ADAM11: variants seen among roughly 807,000 people sequenced by gnomAD.
ADAM11 encodes disintegrin and metalloproteinase domain-containing protein 11.
ADAM11 carries 49 observed loss-of-function variants against 119.1 expected under a neutral mutation model. The ratio of observed to expected loss-of-function variants is 0.41; its 90% CI spans 0.33 to 0.52. The LOEUF (loss-of-function observed/expected upper bound fraction) is 0.52. Ranked by LOEUF, ADAM11 falls within the 20% of genes least tolerant of loss-of-function variation. The pLI is 0.20. For synonymous variants in ADAM11, 364 were observed against 408.0 expected (o/e 0.89, Z 1.30); for missense variants, 777 against 1,047.5 (o/e 0.74, Z 3.56).
intron 3 of ADAM11, 32 bp downstream of exon 3, chr17:44,769,826 C>A (rs2049495705): frequency 1.2e-6 from 2 of 1,609,886 alleles, no homozygotes; most frequent in Non-Finnish European, 1.7e-6. Flanking sequence ...AGAGGAAGGG[C>A]AGTGGTGGGG....
Position 44,764,390 on chromosome 17 carries a change from G to C in ADAM11, c.237+4493G>C, listed in dbSNP as rs73303573. On this transcript the variant is annotated intron_variant, in intron 2 of 26. Transcript: ENST00000200557. ...TGGGAGTCATGGACATGGTGCCACA[G>C]GGGGGCCAGGGTCTGTGCCTGGGGC... Among the ~76,000 whole-genome samples, 466 of 152,332 alleles carry C rather than the reference G, an allele frequency of 3.1e-3. 3 individuals carry two copies. The highest frequency in any genetic ancestry group is 0.01 in the African/African-American group (436 of 41,574).
Position 44,776,247 on chromosome 17 carries a change from G to A in ADAM11, c.1566+40G>A. On this transcript the variant is annotated intron_variant, in intron 18 of 26. Transcript: ENST00000200557. The surrounding 1 kb of genome is among the most constrained non-coding windows in gnomAD (Gnocchi z 5.2). Reference sequence around the variant, plus strand: ...GCCGTCTTGTGGAGCCCTGGGCGAGGCAACCCCTACCCTTGTCGATTTGGT... The same window carrying A: ...GCCGTCTTGTGGAGCCCTGGGCGAGACAACCCCTACCCTTGTCGATTTGGT... The A allele has an allele frequency of 6.2e-7, 1 of 1,609,534 alleles. No homozygotes were observed. Among genetic ancestry groups the A allele is most frequent in the Non-Finnish European group, 8.5e-7 (1 of 1,177,076 alleles).
At chr17:44,769,107 G>A (rs1383892391) in intron 2 of ADAM11, among the ~76,000 whole-genome samples, 2 of 152,234 alleles carry the variant, frequency 1.3e-5, no homozygotes, top group East Asian at 1.9e-4. Context: ...TGCTTTGGGT[G>A]AGGCAGAGGG....
chr17:44,760,695 G>A (rs1367524268), intron 2 of ADAM11, among the ~76,000 whole-genome samples: 1 of 152,182 alleles, frequency 6.6e-6, no homozygotes, highest in Admixed American at 6.5e-5. Flanking sequence ...GTATAGGGGG[G>A]AGACCCAGAA....
intron 2 of ADAM11, among the ~76,000 whole-genome samples, chr17:44,763,574 G>A (rs1351530189): frequency 6.6e-6 from 1 of 152,202 alleles, no homozygotes; most frequent in Non-Finnish European, 1.5e-5. Flanking sequence ...CCGAGGGGTG[G>A]TGCAGGTCAG....
rs2049548339 is a variant in ADAM11, at chr17:44,773,078, C to T, written c.818C>T (p.Ala273Val). The change falls in exon 10 of 27, where the codon GCC (alanine) becomes GTC (valine). Residue 273 changes from alanine to valine, a missense_variant. Transcript: ENST00000200557. The surrounding 1 kb of genome is among the most constrained non-coding windows in gnomAD (Gnocchi z 4.6). ...TTTGCCAAGTCCGTGGTGAACCTGG[C>T]CGATGTGGTAAGCAGCTCTCCCTCC... is the stretch of plus-strand genomic sequence containing the variant. ...SNFAKSVVNL[A>V]DVIYKEQLNT... The T allele has an allele frequency of 1.9e-6, 3 of 1,613,644 alleles. No homozygotes were observed. The highest frequency in any genetic ancestry group is 1.7e-5 in the Admixed American group (1 of 59,970).
At position 44,779,790 on chromosome 17, in the gene ADAM11, G is replaced by C. The variant is rs747974172; in HGVS notation, c.*36G>C. The C allele has an allele frequency of 6.2e-7, 1 of 1,611,876 alleles. No homozygotes were observed. The highest frequency in any genetic ancestry group is 1.7e-5 in the Admixed American group (1 of 59,610). Reference sequence around the variant, plus strand: ...CCTCCCTCCAAGCCTGGCACCCACCGTCTCGGCCCTGAACCACGAGGCTGC... The same window carrying C: ...CCTCCCTCCAAGCCTGGCACCCACCCTCTCGGCCCTGAACCACGAGGCTGC... On this transcript the variant is annotated 3_prime_UTR_variant, in exon 27 of 27. Coordinates refer to ENST00000200557, the MANE Select transcript of ADAM11 (RefSeq NM_002390.6).
rs1399249181 is a variant in ADAM11, at chr17:44,777,749, C to T, written c.1956C>T (p.Gly652=). The T allele has an allele frequency of 3.1e-6, 5 of 1,613,918 alleles. No individual in the cohort carries two copies. The highest frequency in any genetic ancestry group is 3.4e-6 in the Non-Finnish European group (4 of 1,179,994). Residue 652 remains glycine (G), a synonymous_variant, in exon 23 of 27, where the codon GGC becomes GGT. Transcript: ENST00000200557. This position sits in a 1 kb window ranked among gnomAD's most constrained non-coding sequence, Gnocchi z 5.1. ...DGSDLSYVED[G]TACGPNMLCL... is the part of the protein sequence containing the mutation. ...CTGACCTGAGCTATGTGGAGGATGGCACAGCCTGCGGGCCTAACATGTTGT... is the reference window on the plus strand; with the variant it reads ...CTGACCTGAGCTATGTGGAGGATGGTACAGCCTGCGGGCCTAACATGTTGT...
rs74455853 is a variant in ADAM11, at chr17:44,779,082, T to C, written c.2277-140T>C. 4.4e-3 allele frequency: 4,724 copies of C among 1,083,494 alleles called. 133 individuals carry two copies. The African/African-American group carries it at 0.063, about 14-fold the overall frequency. 67.1% of individuals were successfully genotyped at this position (1,083,494 alleles called of 1,614,324 possible). A position where few individuals can be genotyped will look rare whatever the true frequency, so the allele number is the denominator to read the frequency against. On this transcript the variant is annotated intron_variant, in intron 25 of 26. Transcript: ENST00000200557. ...GCCCTGGGTAATTCTCCCTGGCCCT[T>C]ACATTAGTGTCCAGGCCCCGGGGAC...
Position 44,777,023 on chromosome 17 carries a change from AGAGTGG to A in ADAM11, c.1681+63_1681+68del. 1 of 1,578,050 alleles carries A rather than the reference AGAGTGG, an allele frequency of 6.3e-7. No homozygotes were observed. The highest frequency in any genetic ancestry group is 1.7e-5 in the Admixed American group (1 of 57,850). On this transcript the variant is annotated intron_variant, in intron 20 of 26. Coordinates refer to ENST00000200557, the MANE Select transcript of ADAM11 (RefSeq NM_002390.6). The surrounding 1 kb of genome is among the most constrained non-coding windows in gnomAD (Gnocchi z 5.1). Reference sequence around the variant, plus strand: ...AGGACCCAGAGCTGAGAAGCTGGGGAGAGTGGGTTCCAGCTGAACAGGCCCCCAAGT... The same window carrying A: ...AGGACCCAGAGCTGAGAAGCTGGGGAGTTCCAGCTGAACAGGCCCCCAAGT...
intron 2 of ADAM11, among the ~76,000 whole-genome samples, chr17:44,765,099 A>C (rs1431694007): frequency 6.6e-6 from 1 of 152,002 alleles, no homozygotes; most frequent in East Asian, 1.9e-4. Context: ...TCAAAAATGT[A>C]GGTCAAATCC....
At chr17:44,762,476 G>A (rs1358588940) in intron 2 of ADAM11, among the ~76,000 whole-genome samples, 1 of 152,208 alleles carries the variant, frequency 6.6e-6, no homozygotes, top group Non-Finnish European at 1.5e-5. Context: ...TTGAGCCCGT[G>A]TGTGTCCTAG....
chr17:44,769,277 CA>C (rs1263135014), intron 2 of ADAM11, among the ~76,000 whole-genome samples: 1 of 152,198 alleles, frequency 6.6e-6, no homozygotes, highest in East Asian at 1.9e-4. Flanking sequence ...GGGGGACAGG[CA>C]GCGAGGGTCC....
chr17:44,764,138 G>A (rs1172252833), intron 2 of ADAM11, among the ~76,000 whole-genome samples: 1 of 152,192 alleles, frequency 6.6e-6, no homozygotes, highest in Non-Finnish European at 1.5e-5. Flanking sequence ...AGGGTCAGGG[G>A]TGAGGAGGTC....
rs140421831 is a variant in ADAM11 at position 44,773,079 on chromosome 17, C to T, written c.819C>T (p.Ala273=). 46 of 1,613,748 alleles carry T rather than the reference C, an allele frequency of 2.9e-5. No homozygotes were observed. The highest frequency in any genetic ancestry group is 1.9e-4 in the African/African-American group (14 of 74,938). ...TTGCCAAGTCCGTGGTGAACCTGGC[C>T]GATGTGGTAAGCAGCTCTCCCTCCC... is the stretch of plus-strand genomic sequence containing the variant. ...SNFAKSVVNL[A]DVIYKEQLNT... is the part of the protein sequence containing the mutation. Residue 273 remains alanine (A), a synonymous_variant, in exon 10 of 27, where the codon GCC becomes GCT. Transcript: ENST00000200557. The surrounding 1 kb of genome is among the most constrained non-coding windows in gnomAD (Gnocchi z 4.6).
In ADAM11 at chr17:44,772,540, C is replaced by G; in HGVS notation, c.678+74C>G. Reference sequence around the variant, plus strand: ...AGAGACCTCAGGCCGTGGCCCAGAGCAGGAGGGCACCCTCATCTATGGCTG... The same window carrying G: ...AGAGACCTCAGGCCGTGGCCCAGAGGAGGAGGGCACCCTCATCTATGGCTG... On this transcript the variant is annotated intron_variant, in intron 8 of 26. Coordinates refer to ENST00000200557, the MANE Select transcript of ADAM11 (RefSeq NM_002390.6). This position sits in a 1 kb window ranked among gnomAD's most constrained non-coding sequence, Gnocchi z 4.5. 5.3e-6 allele frequency: 8 copies of G among 1,498,558 alleles called. No homozygotes were observed. The highest frequency in any genetic ancestry group is 5.4e-6 in the Non-Finnish European group (6 of 1,108,016). The allele number at this position is 1,498,558 out of a possible 1,614,324, so 92.8% of individuals were successfully genotyped here.
At position 44,778,355 on chromosome 17, in the gene ADAM11, C is replaced by T. The variant is rs1232989048; in HGVS notation, c.2276+113C>T. On this transcript the variant is annotated intron_variant, in intron 25 of 26. Transcript: ENST00000200557. ...AAGCCCAACTGAACCAGAGCTCACA[C>T]GTCATAGGTCCAAGTAGCCTGCAGG... is the stretch of plus-strand genomic sequence containing the variant. 7.4e-6 allele frequency: 8 copies of T among 1,077,764 alleles called. No homozygotes were observed. In the Admixed American group the frequency reaches 7.6e-5, roughly 10 times the overall value. The allele number at this position is 1,077,764 out of a possible 1,614,324, so 66.8% of individuals were successfully genotyped here. A position where few individuals can be genotyped will look rare whatever the true frequency, so the allele number is the denominator to read the frequency against.
intron 6 of ADAM11, 39 bp downstream of exon 6, chr17:44,771,870 C>T: frequency 6.3e-7 from 1 of 1,579,104 alleles, no homozygotes; most frequent in Non-Finnish European, 8.6e-7. Flanking sequence ...TCTCTGGTGG[C>T]CCTGCCAAGC....
Position 44,776,060 on chromosome 17 carries a change from G to A in ADAM11, c.1486-67G>A, listed in dbSNP as rs2049596951. 1 of 1,578,624 alleles carries A rather than the reference G, an allele frequency of 6.3e-7. No homozygotes were observed. The highest frequency in any genetic ancestry group is 8.7e-7 in the Non-Finnish European group (1 of 1,151,814). On this transcript the variant is annotated intron_variant, in intron 17 of 26. Transcript: ENST00000200557. The surrounding 1 kb of genome is among the most constrained non-coding windows in gnomAD (Gnocchi z 5.2). ...GGGGATGTGGGGGTCCAGAGAGCGAGGGGCCTGGGGAGGGCAGGGCCGAGG... is the reference window on the plus strand; with the variant it reads ...GGGGATGTGGGGGTCCAGAGAGCGAAGGGCCTGGGGAGGGCAGGGCCGAGG...
Sources: allele counts gnomAD v4.1 joint callset (sites outside exome capture counted in the v4.1 genomes callset), GRCh38; gene constraint gnomAD v4.1.1; non-coding constraint Gnocchi (gnomAD v3.1); transcripts MANE v1.5; gene names NCBI Gene and HGNC (gene_info 2026-07-23, HGNC 2026-07-21).